Variants in C5 observed in about 807,000 individuals in gnomAD.
C5 encodes C3 and PZP-like alpha-2-macroglobulin domain-containing protein 4.
C5 carries 140 observed loss-of-function variants against 218.8 expected under a neutral mutation model. That is an observed-to-expected ratio of 0.64 (90% confidence interval 0.56 to 0.74). The LOEUF is 0.74. C5 is among the 30% of genes least tolerant of loss of function. The pLI is 0.00. For synonymous variants in C5, 614 were observed against 682.3 expected (o/e 0.90, Z 1.56); for missense variants, 1,700 against 1,969.6 (o/e 0.86, Z 2.59).
At position 120,952,775 on chromosome 9, in the gene C5, A is replaced by G; in HGVS notation, c.4995T>C (p.Asp1665=). The G allele has an allele frequency of 6.2e-7, 1 of 1,613,948 alleles. No homozygotes were observed. The highest frequency in any genetic ancestry group is 8.5e-7 in the Non-Finnish European group (1 of 1,179,934). Residue 1665 remains aspartate (D), a synonymous_variant, in exon 41 of 41, where the codon GAT becomes GAC. Transcript: ENST00000223642. ...TTAAAAAGATATCTTCGGCAAATTC[A>G]TCTAAATTAGCTAAAAATGCTTGAC... ...SSCQAFLANL[D]EFAEDIFLNG...
At chr9:120,990,641 G>A (rs1024424946) in intron 23 of C5, among the ~76,000 whole-genome samples, 2 of 152,174 alleles carry the variant, frequency 1.3e-5, no homozygotes, top group Non-Finnish European at 2.9e-5. Context: ...ATATCCTCAT[G>A]GAAACAGAGA....
chr9:121,018,740 G>A (rs71497037), intron 12 of C5, among the ~76,000 whole-genome samples: 27,847 of 84,436 alleles, frequency 0.33, 4,675 homozygotes, highest in South Asian at 0.44. Context: ...AAGGAAGGAA[G>A]GAAAGGAAGG....
chr9:120,956,674 T>A (rs149399929), intron 39 of C5, among the ~76,000 whole-genome samples: 12 of 152,248 alleles, frequency 7.9e-5, no homozygotes, highest in African/African-American at 2.9e-4. Flanking sequence ...AAGGCTACAG[T>A]AACCAAAGCA....
At chr9:121,002,175 T>G (rs10739582) in intron 20 of C5, among the ~76,000 whole-genome samples, 52,181 of 144,270 alleles carry the variant, frequency 0.36, 11,717 homozygotes, top group South Asian at 0.62. Flanking sequence ...CATATATGTA[T>G]ATATGTAGAT....
chr9:121,051,594 T>C (rs1259130001), upstream of C5, among the ~76,000 whole-genome samples: 2 of 152,324 alleles, frequency 1.3e-5, no homozygotes, highest in Non-Finnish European at 2.9e-5. Context: ...ATTTATGATA[T>C]ATAAATGAGA....
chr9:121,061,112 C>G, the C5 span, among the ~76,000 whole-genome samples: 1 of 152,074 alleles, frequency 6.6e-6, no homozygotes, highest in Non-Finnish European at 1.5e-5. Context: ...CACTTGAGCC[C>G]AGGACATGGA....
intron 17 of C5, among the ~76,000 whole-genome samples, chr9:121,012,449 G>A (rs1451807847): frequency 6.6e-6 from 1 of 152,156 alleles, no homozygotes; most frequent in Non-Finnish European, 1.5e-5. Context: ...GGGAGGCGGA[G>A]GTTGCAGTGA....
intron 8 of C5, among the ~76,000 whole-genome samples, chr9:121,026,931 G>A (rs2047429203): frequency 6.6e-6 from 1 of 152,102 alleles, no homozygotes; most frequent in Non-Finnish European, 1.5e-5. Flanking sequence ...AAATTGGAGT[G>A]ATTAATACAA....
the C5 span, among the ~76,000 whole-genome samples, chr9:121,068,123 A>T: frequency 6.8e-4 from 103 of 152,368 alleles, no homozygotes; most frequent in African/African-American, 2.2e-3. Flanking sequence ...GATTGGAAGA[A>T]CTAGCAAGTG....
chr9:121,060,157 A>G, the C5 span, among the ~76,000 whole-genome samples: 5 of 152,212 alleles, frequency 3.3e-5, no homozygotes, highest in Admixed American at 6.5e-5. Context: ...TCGGTCATCA[A>G]TGCTTATAAT....
At chr9:120,979,731 A>G (rs2046977926) in intron 28 of C5, 1 of 276,392 alleles carries the variant, frequency 3.6e-6, no homozygotes, top group African/African-American at 2.2e-5. Context: ...TGCAAAATAT[A>G]AAAAAAAGTA....
At chr9:120,973,092 T>C (rs1238967027) in intron 30 of C5, among the ~76,000 whole-genome samples, 1 of 152,168 alleles carries the variant, frequency 6.6e-6, no homozygotes, top group Non-Finnish European at 1.5e-5. Flanking sequence ...TTTGTTTAAC[T>C]TAATTAATGC....
At chr9:121,008,312 T>A in intron 18 of C5, 96 bp downstream of exon 18, 3 of 873,838 alleles carry the variant, frequency 3.4e-6, no homozygotes, top group East Asian at 4.8e-5. Context: ...TTAACTCCTA[T>A]GCAAGCTATT....
chr9:120,984,452 T>C (rs2047018017), intron 25 of C5, among the ~76,000 whole-genome samples: 4 of 152,190 alleles, frequency 2.6e-5, no homozygotes. Flanking sequence ...TGGGTCTCTC[T>C]TGGGATTTTG....
At chr9:121,012,681 T>C (rs572984821) in intron 17 of C5, among the ~76,000 whole-genome samples, 6 of 152,342 alleles carry the variant, frequency 3.9e-5, no homozygotes, top group African/African-American at 9.6e-5. Context: ...CTGAGAAATA[T>C]GTTGTTAGAT....
intron 38 of C5, among the ~76,000 whole-genome samples, chr9:120,958,567 C>CT (rs41313613): frequency 0.063 from 8,979 of 143,406 alleles, 760 homozygotes; most frequent in African/African-American, 0.2. Flanking sequence ...AGCTTTTTAG[C>CT]TTTTTTTTTT....
chr9:120,979,829 C>T (rs1464711515), intron 28 of C5: 1 of 432,230 alleles, frequency 2.3e-6, no homozygotes, highest in Non-Finnish European at 4.3e-6. Flanking sequence ...CAGTGAGCCA[C>T]GATCATGCCA....
chr9:121,027,079 C>A (rs2047430337), intron 8 of C5, 81 bp downstream of exon 8: 6 of 780,356 alleles, frequency 7.7e-6, no homozygotes, highest in Non-Finnish European at 1.3e-5. Context: ...GGGGATTGGA[C>A]TAGATGGTTT....
chr9:121,009,471 CT>C (rs2131744918), intron 17 of C5, among the ~76,000 whole-genome samples: 1 of 152,324 alleles, frequency 6.6e-6, no homozygotes, highest in Non-Finnish European at 1.5e-5. Context: ...GCCAACTTGT[CT>C]GGAATGAGGG....
Sources: gnomAD v4.1 joint callset for allele counts (sites outside exome capture counted in the v4.1 genomes callset) on GRCh38, gnomAD v4.1.1 for gene constraint, MANE v1.5 for transcripts, NCBI Gene and HGNC (gene_info 2026-07-23, HGNC 2026-07-21) for gene names.